The following GABPB1 variants were observed in gnomAD, a reference collection of about 807,000 sequenced individuals.
GABPB1 encodes the protein GA-binding protein subunit beta-1.
Under a neutral mutation model 45.9 loss-of-function variants are expected in GABPB1, and 15 were observed. That is an observed-to-expected ratio of 0.33 (90% CI 0.22 to 0.50). The LOEUF is 0.50. Ranked by LOEUF, GABPB1 falls within the 20% of genes least tolerant of loss-of-function variation. The probability of loss-of-function intolerance (pLI) is 0.98; values close to 1 mark genes in which losing one functional copy is unlikely to be tolerated. For synonymous variants in GABPB1, 143 were observed against 154.4 expected (o/e 0.93, Z 0.55); for missense variants, 252 against 457.5 (o/e 0.55, Z 4.10).
At chr15:50,301,040 T>C in intron 5 of GABPB1, 138 bp from the exon 6 acceptor site, 2 of 813,168 alleles carry the variant, frequency 2.5e-6, no homozygotes, top group Non-Finnish European at 3.9e-6. Flanking sequence ...TGCAGTAAAT[T>C]TTGTAATATC....
chr15:50,316,686 CA>C (rs1181528118), intron 1 of GABPB1, among the ~76,000 whole-genome samples: 3 of 151,462 alleles, frequency 2.0e-5, no homozygotes, highest in African/African-American at 7.3e-5. Flanking sequence ...GGAAACTATT[CA>C]AAAATCTAAA....
At chr15:50,325,279 G>T (rs1427626404) in intron 1 of GABPB1, among the ~76,000 whole-genome samples, 1 of 148,390 alleles carries the variant, frequency 6.7e-6, no homozygotes, top group East Asian at 2.0e-4. Context: ...TATTTTGAGG[G>T]CACTAAGGCA....
chr15:50,276,077 A>G lies in GABPB1; in HGVS notation c.*2555T>C, dbSNP rs1037758578. On this transcript the variant is annotated 3_prime_UTR_variant, in exon 9 of 9. Coordinates refer to ENST00000380877, the MANE Select transcript of GABPB1 (RefSeq NM_016654.5). Reference sequence around the variant, plus strand: ...TAACACTAAATGGCTTGTCTTGCAGAACCCTGGTTGAGAAAGGTTGCTCCA... The same window carrying G: ...TAACACTAAATGGCTTGTCTTGCAGGACCCTGGTTGAGAAAGGTTGCTCCA... 3 of 152,252 alleles carry G rather than the reference A, an allele frequency of 2.0e-5. No individual in the cohort carries two copies. The highest frequency in any genetic ancestry group is 2.9e-5 in the Non-Finnish European group (2 of 68,050). The allele number at this position is 152,252 out of a possible 1,614,324, so 9.4% of individuals were successfully genotyped here. A position where few individuals can be genotyped will look rare whatever the true frequency, so the allele number is the denominator to read the frequency against.
intron 1 of GABPB1, among the ~76,000 whole-genome samples, chr15:50,325,912 GTT>G (rs11287439): frequency 2.5e-4 from 36 of 142,878 alleles, no homozygotes; most frequent in Admixed American, 7.6e-4. Context: ...GGTTTTTTTT[GTT>G]TTTTTTTTTT....
intron 1 of GABPB1, chr15:50,347,387 A>G (rs1335200711): frequency 6.6e-6 from 1 of 152,036 alleles, no homozygotes; most frequent in African/African-American, 2.4e-5. Flanking sequence ...TACACACCAT[A>G]CAAATTTTTT....
intron 1 of GABPB1, among the ~76,000 whole-genome samples, chr15:50,317,817 G>T (rs1183355564): frequency 6.6e-6 from 1 of 151,594 alleles, no homozygotes; most frequent in Non-Finnish European, 1.5e-5. Context: ...GCTGAGGCAG[G>T]AGAATGGCGC....
chr15:50,303,300 G>A (rs1305234993), intron 3 of GABPB1, among the ~76,000 whole-genome samples, 177 bp from the exon 4 acceptor site: 5 of 152,196 alleles, frequency 3.3e-5, no homozygotes, highest in Non-Finnish European at 5.9e-5. Context: ...TGTAATCCCA[G>A]CACTTTGGGA....
chr15:50,345,265 T>C (rs2048522111), intron 1 of GABPB1, among the ~76,000 whole-genome samples: 1 of 152,126 alleles, frequency 6.6e-6, no homozygotes, highest in African/African-American at 2.4e-5. Context: ...ATGAAGCCAA[T>C]ATTATTGACA....
At chr15:50,339,023 C>T (rs1045514164) in intron 1 of GABPB1, among the ~76,000 whole-genome samples, 7 of 151,838 alleles carry the variant, frequency 4.6e-5, no homozygotes, top group African/African-American at 1.7e-4. Flanking sequence ...TAACCAGCAG[C>T]TGGTTGTGGT....
At chr15:50,354,762 C>A in intron 1 of GABPB1, 1 of 259,752 alleles carries the variant, frequency 3.8e-6, no homozygotes, top group Non-Finnish European at 7.6e-6. Context: ...AGCAGTGTGC[C>A]CAGCGGACAA....
Position 50,304,140 on chromosome 15 carries a change from C to T in GABPB1, c.109-7G>A. ...GAAGTGGAGAAGTTCCCAGCTGTAC[C>T]ACAGAAAAAAAAAAAAATCCACATT... On this transcript the variant is annotated splice_region_variant and splice_polypyrimidine_tract_variant and intron_variant, in intron 2 of 8. Transcript: ENST00000380877. 6.5e-7 allele frequency: 1 copy of T among 1,545,666 alleles called. No individual in the cohort carries two copies. Among genetic ancestry groups the T allele is most frequent in the Non-Finnish European group, 8.7e-7 (1 of 1,152,350 alleles).
chr15:50,303,831 A>G (rs2046844235), intron 3 of GABPB1, 135 bp downstream of exon 3: 4 of 536,672 alleles, frequency 7.5e-6, no homozygotes, highest in Non-Finnish European at 1.2e-5. Context: ...ATTTTCATTT[A>G]ATGGGCTTAT....
At chr15:50,329,134 C>A (rs1053269201) in intron 1 of GABPB1, among the ~76,000 whole-genome samples, 6 of 152,098 alleles carry the variant, frequency 3.9e-5, no homozygotes, top group Admixed American at 3.3e-4. Context: ...CTGCTCCAGA[C>A]CCAGAATCAG....
chr15:50,341,039 T>C (rs1162788839), intron 1 of GABPB1, among the ~76,000 whole-genome samples: 1 of 151,492 alleles, frequency 6.6e-6, no homozygotes, highest in East Asian at 1.9e-4. Flanking sequence ...GTTTATTACA[T>C]ACTCCTCTCA....
intron 1 of GABPB1, among the ~76,000 whole-genome samples, chr15:50,345,869 G>A (rs572792238): frequency 3.3e-5 from 5 of 152,018 alleles, no homozygotes; most frequent in Admixed American, 2.6e-4. Context: ...TCGCCACCAC[G>A]CCCAGCTAAT....
intron 7 of GABPB1, among the ~76,000 whole-genome samples, chr15:50,288,667 A>G (rs1238336035): frequency 6.6e-6 from 1 of 151,994 alleles, no homozygotes; most frequent in African/African-American, 2.4e-5. Context: ...TGGAATTCTG[A>G]GGTTTTTCTC....
chr15:50,332,759 T>A (rs906841930), intron 1 of GABPB1, among the ~76,000 whole-genome samples: 8 of 152,106 alleles, frequency 5.3e-5, no homozygotes, highest in African/African-American at 1.4e-4. Flanking sequence ...AGGTTTTTTT[T>A]AAATTACTAT....
intron 2 of GABPB1, among the ~76,000 whole-genome samples, chr15:50,305,159 C>A (rs2046898677): frequency 1.3e-5 from 2 of 152,264 alleles, no homozygotes; most frequent in African/African-American, 4.8e-5. Context: ...CTGATTACCA[C>A]ATCACTTGAT....
intron 1 of GABPB1, among the ~76,000 whole-genome samples, chr15:50,341,743 G>A (rs568816951): frequency 5.7e-4 from 87 of 152,132 alleles, no homozygotes; most frequent in Non-Finnish European, 9.3e-4. Flanking sequence ...AATGTAAACC[G>A]TCTTCCTCTA....
Sources: allele counts gnomAD v4.1 joint callset (sites outside exome capture counted in the v4.1 genomes callset), GRCh38; gene constraint gnomAD v4.1.1; transcripts MANE v1.5; gene names NCBI Gene and HGNC (gene_info 2026-07-23, HGNC 2026-07-21).